SKAP1: variants seen among roughly 807,000 people sequenced by gnomAD.
SKAP1 encodes the protein src kinase associated phosphoprotein 1.
A neutral mutation model predicts 58.5 loss-of-function variants in SKAP1; 44 were observed. The ratio of observed to expected loss-of-function variants is 0.75; its 90% CI spans 0.59 to 0.97. The LOEUF (loss-of-function observed/expected upper bound fraction) is 0.97, where lower values mean the gene tolerates loss of function less well. Among genes scored for constraint, SKAP1 ranks in the 50% least tolerant of loss-of-function variants. The pLI, the probability that SKAP1 is intolerant of heterozygous loss-of-function variation, is 0.00. For missense variants in SKAP1, 390 were observed against 435.2 expected, an observed-to-expected ratio of 0.90 and a Z score of 0.92; for synonymous variants, 127 against 149.7, an observed-to-expected ratio of 0.85 and a Z score of 1.11.
chr17:48,214,330 A>G (rs1598433612), intron 4 of SKAP1, among the ~76,000 whole-genome samples: 3 of 152,344 alleles, frequency 2.0e-5, no homozygotes, highest in East Asian at 3.9e-4. Flanking sequence ...CTGAATATTC[A>G]CTAGAAAATA....
intron 4 of SKAP1, among the ~76,000 whole-genome samples, chr17:48,260,989 T>C (rs2065478236): frequency 6.6e-6 from 1 of 152,158 alleles, no homozygotes; most frequent in Non-Finnish European, 1.5e-5. Flanking sequence ...TAAAATGCTG[T>C]TCGGAATCCC....
chr17:48,193,576 T>C (rs1252165903), intron 4 of SKAP1: 1 of 521,182 alleles, frequency 1.9e-6, no homozygotes, highest in Non-Finnish European at 2.5e-6. Flanking sequence ...GGCTCTGAGC[T>C]CAATCTCATT....
intron 4 of SKAP1, among the ~76,000 whole-genome samples, chr17:48,289,088 T>A (rs925408313): frequency 2.0e-5 from 3 of 152,100 alleles, no homozygotes; most frequent in African/African-American, 7.2e-5. Flanking sequence ...TTTATTAAAA[T>A]TAACAATACT....
chr17:48,445,057 T>G, the SKAP1 span, among the ~76,000 whole-genome samples: 1 of 152,094 alleles, frequency 6.6e-6, no homozygotes, highest in Non-Finnish European at 1.5e-5. Context: ...CGACAGACTG[T>G]CACTGGCAAA....
chr17:48,171,667 C>A (rs1365417854), intron 9 of SKAP1, among the ~76,000 whole-genome samples: 1 of 151,934 alleles, frequency 6.6e-6, no homozygotes, highest in African/African-American at 2.4e-5. Flanking sequence ...CTGGAATTCT[C>A]TTCAAAATTA....
At chr17:48,442,455 C>T in the SKAP1 span, among the ~76,000 whole-genome samples, 2 of 152,112 alleles carry the variant, frequency 1.3e-5, no homozygotes, top group African/African-American at 2.4e-5. Flanking sequence ...ATGCTCACTC[C>T]ACTCACTGAA....
chr17:48,376,815 T>C (rs11079818), intron 2 of SKAP1, among the ~76,000 whole-genome samples: 50,755 of 151,974 alleles, frequency 0.33, 9,169 homozygotes, highest in African/African-American at 0.47. Context: ...GCCCAGAACA[T>C]GCAAATGGTA....
At chr17:48,435,965 G>A in the SKAP1 span, among the ~76,000 whole-genome samples, 1 of 152,224 alleles carries the variant, frequency 6.6e-6, no homozygotes, top group Admixed American at 6.5e-5. Flanking sequence ...AAGAAAGTGA[G>A]TAAAAATACC....
chr17:48,329,753 G>C (rs2066481339), intron 4 of SKAP1, among the ~76,000 whole-genome samples: 1 of 151,998 alleles, frequency 6.6e-6, no homozygotes, highest in African/African-American at 2.4e-5. Flanking sequence ...TTCCTTTTCT[G>C]TGAGGCAGTG....
intron 4 of SKAP1, among the ~76,000 whole-genome samples, chr17:48,314,306 T>C (rs1481243774): frequency 6.6e-6 from 1 of 152,190 alleles, no homozygotes; most frequent in Non-Finnish European, 1.5e-5. Flanking sequence ...ACAGGCTTTA[T>C]AGGTAGAAGG....
intron 3 of SKAP1, among the ~76,000 whole-genome samples, chr17:48,355,406 T>C (rs1299434710): frequency 1.3e-5 from 2 of 152,098 alleles, no homozygotes; most frequent in African/African-American, 2.4e-5. Context: ...ACCTCCAAAG[T>C]AGCTGGGACC....
rs189458426 is a variant in SKAP1 at position 48,202,973 on chromosome 17, A to T, written c.281-13473T>A. ...GGGATGAGGCAAAGCATCTTTTGTCAGACCATGCAGGAGAGAGAAAGAGAA... is the reference window on the plus strand; with the variant it reads ...GGGATGAGGCAAAGCATCTTTTGTCTGACCATGCAGGAGAGAGAAAGAGAA... On this transcript the variant is annotated intron_variant, in intron 4 of 12. Transcript: ENST00000336915. Among the ~76,000 whole-genome samples the T allele has an allele frequency of 1.1e-4, 17 of 152,328 alleles. No individual in the cohort carries two copies. In the East Asian group the frequency reaches 3.3e-3, roughly 29 times the overall value.
At chr17:48,269,700 A>C (rs149568050) in intron 4 of SKAP1, among the ~76,000 whole-genome samples, 1 of 152,160 alleles carries the variant, frequency 6.6e-6, no homozygotes, top group Non-Finnish European at 1.5e-5. Flanking sequence ...TTCCTCCTAC[A>C]TCTAGCTGTG....
chr17:48,230,788 ATATAAT>A (rs1419475876), intron 4 of SKAP1, among the ~76,000 whole-genome samples: 1 of 152,146 alleles, frequency 6.6e-6, no homozygotes, highest in Non-Finnish European at 1.5e-5. Flanking sequence ...GAGTAAGCAT[ATATAAT>A]TATAAGTAAG....
chr17:48,284,386 A>G, intron 4 of SKAP1, among the ~76,000 whole-genome samples: 1 of 152,158 alleles, frequency 6.6e-6, no homozygotes, highest in East Asian at 1.9e-4. Context: ...TGGAGGAAAA[A>G]CTGTTTGCCA....
At chr17:48,409,667 CAAAAAAAAAA>C (rs35629210) in intron 1 of SKAP1, among the ~76,000 whole-genome samples, 1 of 94,670 alleles carries the variant, frequency 1.1e-5, no homozygotes, top group African/African-American at 3.7e-5. Context: ...GATCCTGTCT[CAAAAAAAAAA>C]AAAAAAAAAG....
intron 11 of SKAP1, among the ~76,000 whole-genome samples, chr17:48,157,014 A>G (rs2063986251): frequency 6.6e-6 from 1 of 152,236 alleles, no homozygotes; most frequent in Admixed American, 6.5e-5. Context: ...AAATATTCCT[A>G]CTTCCTACAT....
At chr17:48,331,452 C>T (rs1222820603) in intron 4 of SKAP1, among the ~76,000 whole-genome samples, 1 of 152,112 alleles carries the variant, frequency 6.6e-6, no homozygotes, top group African/African-American at 2.4e-5. Context: ...GTAATCACAG[C>T]ACTTTGGGAG....
intron 2 of SKAP1, among the ~76,000 whole-genome samples, chr17:48,377,890 T>C (rs1292136663): frequency 6.6e-6 from 1 of 152,184 alleles, no homozygotes; most frequent in South Asian, 2.1e-4. Context: ...GCAGGAGATA[T>C]CATTACTCTT....
Sources: gnomAD v4.1 joint callset for allele counts (sites outside exome capture counted in the v4.1 genomes callset) on GRCh38, gnomAD v4.1.1 for gene constraint, MANE v1.5 for transcripts, NCBI Gene and HGNC (gene_info 2026-07-23, HGNC 2026-07-21) for gene names.